Variants in FLRT2 observed in about 807,000 individuals in gnomAD.
The protein encoded by FLRT2 is fibronectin leucine rich transmembrane protein 2.
Under a neutral mutation model 40.0 loss-of-function variants are expected in FLRT2, and 15 were observed. That is an observed-to-expected ratio of 0.38 (90% CI 0.25 to 0.58). The LOEUF is 0.58. Ranked by LOEUF, FLRT2 falls within the 20% of genes least tolerant of loss-of-function variation. The pLI is 0.71. For synonymous variants in FLRT2, 380 were observed against 336.8 expected (o/e 1.13, Z -1.41); for missense variants, 726 against 840.0 (o/e 0.86, Z 1.68).
chr14:85,558,488 A>C (rs1890112210), intron 1 of FLRT2, among the ~76,000 whole-genome samples: 1 of 152,224 alleles, frequency 6.6e-6, no homozygotes, highest in Non-Finnish European at 1.5e-5. Context: ...TTATTAAATG[A>C]AACAGTGGTA....
intron 1 of FLRT2, among the ~76,000 whole-genome samples, chr14:85,568,141 A>G (rs146014886): frequency 5.8e-4 from 88 of 151,238 alleles, no homozygotes; most frequent in African/African-American, 2.0e-3. Context: ...CTGTTTTATA[A>G]GGGGACAAAT....
chr14:85,592,994 G>A (rs904128559), intron 1 of FLRT2, among the ~76,000 whole-genome samples: 42 of 152,040 alleles, frequency 2.8e-4, no homozygotes, highest in Non-Finnish European at 1.0e-4. Flanking sequence ...ATATTTTCAA[G>A]TAATAGTTTC....
At chr14:85,580,677 G>A (rs564253089) in intron 1 of FLRT2, among the ~76,000 whole-genome samples, 5 of 152,272 alleles carry the variant, frequency 3.3e-5, no homozygotes, top group African/African-American at 1.2e-4. Flanking sequence ...TATATGATGA[G>A]CTATCATCAG....
At chr14:85,603,080 G>A (rs1460571839) in intron 1 of FLRT2, among the ~76,000 whole-genome samples, 1 of 152,040 alleles carries the variant, frequency 6.6e-6, no homozygotes, top group African/African-American at 2.4e-5. Context: ...TTGTGTCTGG[G>A]TATAATTTTG....
At chr14:85,547,321 CTTTCTT>C (rs1339180766) in intron 1 of FLRT2, among the ~76,000 whole-genome samples, 2 of 99,436 alleles carry the variant, frequency 2.0e-5, no homozygotes, top group Admixed American at 1.6e-4. Flanking sequence ...TCTTTTCTTT[CTTTCTT>C]TTTTTTTTTT....
chr14:85,598,076 A>T (rs1892220751), intron 1 of FLRT2, among the ~76,000 whole-genome samples: 1 of 152,206 alleles, frequency 6.6e-6, no homozygotes, highest in African/African-American at 2.4e-5. Context: ...CAAAACTGTC[A>T]ATCTAGTCAC....
At position 85,641,431 on chromosome 14, in the gene FLRT2, GAGGCCATC is replaced by G. The variant is rs1894146444; in HGVS notation, c.*17939_*17946del. On this transcript the variant is annotated 3_prime_UTR_variant, in exon 2 of 2. Transcript: ENST00000330753. Reference sequence around the variant, plus strand: ...TTACTAATGTCAGTCTTGGGCCCAAGAGGCCATCAGGCACGGTGCCCATAATCAGTGTT... The same window carrying G: ...TTACTAATGTCAGTCTTGGGCCCAAGAGGCACGGTGCCCATAATCAGTGTT... 6.6e-6 allele frequency: 1 copy of G among 152,208 alleles called. No individual in the cohort carries two copies. The highest frequency in any genetic ancestry group is 2.4e-5 in the African/African-American group (1 of 41,442). The allele number at this position is 152,208 out of a possible 1,614,324, so 9.4% of individuals were successfully genotyped here.
rs111668072 is a variant in FLRT2 at position 85,568,940 on chromosome 14, CG to C, written c.-377+38407del. On this transcript the variant is annotated intron_variant, in intron 1 of 1. Coordinates refer to ENST00000330753, the MANE Select transcript of FLRT2 (RefSeq NM_013231.6). ...ATTCCGTCTGTCTCCTCTTTTCCCT[CG>C]TCTCCCTTCTCTTAAGGATTTGCCT... Among the ~76,000 whole-genome samples the C allele has an allele frequency of 7.2e-3, 1,092 of 152,290 alleles. 12 individuals carry two copies. Among genetic ancestry groups the C allele is most frequent in the Middle Eastern group, 0.024 (7 of 294 alleles).
At position 85,639,758 on chromosome 14, in the gene FLRT2, G is replaced by C. The variant is rs1389390235; in HGVS notation, c.*16261G>C. On this transcript the variant is annotated 3_prime_UTR_variant, in exon 2 of 2. Coordinates refer to ENST00000330753, the MANE Select transcript of FLRT2 (RefSeq NM_013231.6). The stretch of plus-strand genomic sequence containing the variant: ...TACAATAAGTGATGGAATGAGCTTT[G>C]AAAACACAGGGCTTAGGATTTCAAA... 1 of 151,240 alleles carries C rather than the reference G, an allele frequency of 6.6e-6. No homozygotes were observed. Among genetic ancestry groups the C allele is most frequent in the South Asian group, 2.1e-4 (1 of 4,804 alleles). The allele number at this position is 151,240 out of a possible 1,614,324, so 9.4% of individuals were successfully genotyped here.
chr14:85,538,111 A>T (rs1888777462), intron 1 of FLRT2, among the ~76,000 whole-genome samples: 1 of 152,060 alleles, frequency 6.6e-6, no homozygotes, highest in African/African-American at 2.4e-5. Context: ...GAACTCCGTT[A>T]TTTATTTATT....
At chr14:85,575,602 C>T (rs1566735957) in intron 1 of FLRT2, among the ~76,000 whole-genome samples, 1 of 152,170 alleles carries the variant, frequency 6.6e-6, no homozygotes, top group Non-Finnish European at 1.5e-5. Context: ...CCCCAAACCA[C>T]TGTTTTGTAA....
intron 1 of FLRT2, among the ~76,000 whole-genome samples, chr14:85,607,998 G>A (rs1335643620): frequency 6.6e-6 from 1 of 152,068 alleles, no homozygotes; most frequent in African/African-American, 2.4e-5. Flanking sequence ...TCTTCCCTCT[G>A]TGTATGTCTG....
At chr14:85,575,265 A>C (rs12586603) in intron 1 of FLRT2, among the ~76,000 whole-genome samples, 80,730 of 151,852 alleles carry the variant, frequency 0.53, 22,292 homozygotes, top group African/African-American at 0.69. Flanking sequence ...GGATGGAGTA[A>C]GGGCTTCTGT....
At position 85,605,998 on chromosome 14, in the gene FLRT2, C is replaced by T. The variant is rs7149888; in HGVS notation, c.-376-15141C>T. ...TCTCTTTTCCCTACTTCCCCCTCCC[C>T]CGCATATACCAGCAACTTTAGCTAG... On this transcript the variant is annotated intron_variant, in intron 1 of 1. Coordinates refer to ENST00000330753, the MANE Select transcript of FLRT2 (RefSeq NM_013231.6). 5.2e-3 allele frequency among the ~76,000 whole-genome samples: 793 copies of T among 152,252 alleles called. 10 individuals carry two copies. The highest frequency in any genetic ancestry group is 0.018 in the African/African-American group (745 of 41,532).
intron 1 of FLRT2, among the ~76,000 whole-genome samples, chr14:85,582,826 G>A (rs975134680): frequency 6.6e-6 from 1 of 151,794 alleles, no homozygotes; most frequent in African/African-American, 2.4e-5. Context: ...TTAAGTAGCG[G>A]CTAGCAGAAA....
At chr14:85,582,254 A>G (rs1369032583) in intron 1 of FLRT2, among the ~76,000 whole-genome samples, 1 of 152,200 alleles carries the variant, frequency 6.6e-6, no homozygotes, top group African/African-American at 2.4e-5. Context: ...ATTATATGAT[A>G]TATGTGTTTG....
In FLRT2 at chr14:85,625,229, C is replaced by T. The variant is rs1171289915; in HGVS notation, c.*1732C>T. ...GAAAATCAAATTTAAACATTTCACT[C>T]TGTGCTGCATATTTCTTTTACCATT... On this transcript the variant is annotated 3_prime_UTR_variant, in exon 2 of 2. Coordinates refer to ENST00000330753, the MANE Select transcript of FLRT2 (RefSeq NM_013231.6). 1 of 167,024 alleles carries T rather than the reference C, an allele frequency of 6.0e-6. No homozygotes were observed. The highest frequency in any genetic ancestry group is 1.5e-5 in the Non-Finnish European group (1 of 68,124). 10.3% of individuals were successfully genotyped at this position (167,024 alleles called of 1,614,324 possible).
intron 1 of FLRT2, among the ~76,000 whole-genome samples, chr14:85,589,494 A>G (rs935673698): frequency 2.0e-5 from 3 of 151,912 alleles, no homozygotes; most frequent in African/African-American, 2.4e-5. Context: ...TGATCTCTTT[A>G]TATCTTCTTG....
rs1303482284 is a variant in FLRT2, at chr14:85,629,951, T to C, written c.*6454T>C. On this transcript the variant is annotated 3_prime_UTR_variant, in exon 2 of 2. Transcript: ENST00000330753. Reference sequence around the variant, plus strand: ...TGGAATCAAGATATGTCTGTACCCATAGGGTGAGCTGAAAGAGCTACTAAA... The same window carrying C: ...TGGAATCAAGATATGTCTGTACCCACAGGGTGAGCTGAAAGAGCTACTAAA... 1 of 152,206 alleles carries C rather than the reference T, an allele frequency of 6.6e-6. No individual in the cohort carries two copies. The highest frequency in any genetic ancestry group is 1.5e-5 in the Non-Finnish European group (1 of 68,028). The allele number at this position is 152,206 out of a possible 1,614,324, so 9.4% of individuals were successfully genotyped here.
Sources: allele counts gnomAD v4.1 joint callset (sites outside exome capture counted in the v4.1 genomes callset), GRCh38; gene constraint gnomAD v4.1.1; transcripts MANE v1.5; gene names NCBI Gene and HGNC (gene_info 2026-07-23, HGNC 2026-07-21).